GALK2: variants seen among roughly 807,000 people sequenced by gnomAD.
GALK2 encodes the protein galactokinase 2, also known as N-acetylgalactosamine kinase.
GALK2 carries 36 observed loss-of-function variants against 52.4 expected under a neutral mutation model. The ratio of observed to expected loss-of-function variants is 0.69; its 90% CI spans 0.53 to 0.91. The LOEUF is 0.91. Ranked by LOEUF, GALK2 falls within the 40% of genes least tolerant of loss-of-function variation. GALK2 has a pLI of 0.00. For synonymous variants in GALK2, 176 were observed against 199.1 expected (o/e 0.88, Z 0.98); for missense variants, 579 against 559.1 (o/e 1.04, Z -0.36).
chr15:49,178,511 T>C, intron 1 of GALK2: 1 of 285,356 alleles, frequency 3.5e-6, no homozygotes, highest in South Asian at 4.2e-5. Flanking sequence ...AGCTGCACCC[T>C]TAGGAACTGG....
intron 1 of GALK2, among the ~76,000 whole-genome samples, chr15:49,182,739 C>A (rs1358054791): frequency 6.6e-6 from 1 of 152,138 alleles, no homozygotes; most frequent in Non-Finnish European, 1.5e-5. Context: ...CTCTGACTAT[C>A]AGTGATGTTA....
intron 5 of GALK2, among the ~76,000 whole-genome samples, chr15:49,271,217 G>A (rs947255864): frequency 7.2e-5 from 11 of 152,142 alleles, no homozygotes; most frequent in Non-Finnish European, 5.9e-5. Context: ...CTGTGACTTG[G>A]GTCATATTAT....
intron 3 of GALK2, among the ~76,000 whole-genome samples, chr15:49,351,838 C>T (rs2042298606): frequency 6.6e-6 from 1 of 152,198 alleles, no homozygotes; most frequent in South Asian, 2.1e-4. Flanking sequence ...TGTACATCAC[C>T]TTAGTCAGTG....
At chr15:49,164,870 G>A (rs898516134) in intron 1 of GALK2, among the ~76,000 whole-genome samples, 12 of 151,170 alleles carry the variant, frequency 7.9e-5, no homozygotes, top group Non-Finnish European at 1.8e-4. Flanking sequence ...AGTTTGGTCA[G>A]GCTAATGTAC....
intron 1 of GALK2, chr15:49,195,192 C>T: frequency 2.3e-6 from 1 of 426,278 alleles, no homozygotes; most frequent in South Asian, 1.6e-5. Context: ...CTGCCTCCGC[C>T]TCCGGAGTAG....
intron 5 of GALK2, among the ~76,000 whole-genome samples, chr15:49,256,273 A>G (rs920149478): frequency 6.6e-6 from 1 of 152,212 alleles, no homozygotes; most frequent in African/African-American, 2.4e-5. Context: ...TCAGTAGTAT[A>G]TATAACTGTA....
At chr15:49,335,994 T>C (rs532660532), downstream of GALK2, among the ~76,000 whole-genome samples, 1 of 152,150 alleles carries the variant, frequency 6.6e-6, no homozygotes, top group African/African-American at 2.4e-5. Context: ...GTAGACAGTT[T>C]CTCGCTATCT....
chr15:49,365,988 AAC>A (rs2045109285), intron 3 of GALK2: 2 of 816,516 alleles, frequency 2.4e-6, no homozygotes, highest in Admixed American at 3.4e-5. Flanking sequence ...AGACCATCAT[AAC>A]ACAGTAGATG....
chr15:49,165,952 A>G (rs2084806187), upstream of GALK2, among the ~76,000 whole-genome samples: 1 of 151,572 alleles, frequency 6.6e-6, no homozygotes, highest in Non-Finnish European at 1.5e-5. Context: ...ACAGGCGCCC[A>G]CCACCACGCC....
intron 5 of GALK2, among the ~76,000 whole-genome samples, 159 bp downstream of exon 5, chr15:49,239,526 T>C (rs1037676544): frequency 6.6e-6 from 1 of 152,208 alleles, no homozygotes; most frequent in Non-Finnish European, 1.5e-5. Context: ...TAAATCACTA[T>C]AAAGTAGCTT....
chr15:49,260,059 A>G (rs1169664524), intron 5 of GALK2, among the ~76,000 whole-genome samples: 1 of 151,742 alleles, frequency 6.6e-6, no homozygotes, highest in African/African-American at 2.4e-5. Context: ...ATGTGTCTTT[A>G]TAGCAGCATG....
At chr15:49,286,730 G>T (rs1567022604) in intron 7 of GALK2, among the ~76,000 whole-genome samples, 1 of 152,098 alleles carries the variant, frequency 6.6e-6, no homozygotes, top group Admixed American at 6.6e-5. Context: ...AGGGTTCAAT[G>T]AACTTTTTTT....
chr15:49,329,823 A>AG lies in GALK2; in HGVS notation c.*1666dup, dbSNP rs2038274042. ...GATCAGTGTAAAAAAAAAAAAAAAA[A>AG]GGCACCTGTCATTGTTTTGCTGTTC... On this transcript the variant is annotated 3_prime_UTR_variant, in exon 10 of 10. Transcript: ENST00000560031. 1 of 572,316 alleles carries AG rather than the reference A, an allele frequency of 1.7e-6. No individual in the cohort carries two copies. Among genetic ancestry groups the AG allele is most frequent in the Non-Finnish European group, 2.2e-6 (1 of 452,838 alleles). 35.5% of individuals were successfully genotyped at this position (572,316 alleles called of 1,614,324 possible).
Position 49,277,371 on chromosome 15 carries a change from T to G in GALK2, c.505-4616T>G, listed in dbSNP as rs1282076937. ...TTTTAGTAGAGACGGGGTTTCACCGTTTTAGCCGGGATGGTCTCGATCTCC... is the reference window on the plus strand; with the variant it reads ...TTTTAGTAGAGACGGGGTTTCACCGGTTTAGCCGGGATGGTCTCGATCTCC... On this transcript the variant is annotated intron_variant, in intron 5 of 9. Coordinates refer to ENST00000560031, the MANE Select transcript of GALK2 (RefSeq NM_002044.4). Among the ~76,000 whole-genome samples the G allele has an allele frequency of 2.1e-5, 3 of 141,368 alleles. No individual in the cohort carries two copies. In the East Asian group the frequency reaches 6.6e-4, roughly 31 times the overall value. The allele number at this position is 141,368 out of a possible 152,430, so 92.7% of individuals were successfully genotyped here.
At chr15:49,363,805 T>TGAGG (rs1185027641) in intron 3 of GALK2, among the ~76,000 whole-genome samples, 5 of 152,142 alleles carry the variant, frequency 3.3e-5, no homozygotes, top group African/African-American at 4.8e-5. Context: ...TCTAGTTTGT[T>TGAGG]GAGGGTTTTT....
intron 5 of GALK2, among the ~76,000 whole-genome samples, chr15:49,274,845 C>T (rs2031385168): frequency 6.6e-6 from 1 of 152,044 alleles, no homozygotes; most frequent in Admixed American, 6.5e-5. Flanking sequence ...GTTCCACCTC[C>T]ACCTCTTGTC....
intron 3 of GALK2, among the ~76,000 whole-genome samples, chr15:49,234,671 G>T (rs2090695310): frequency 6.6e-6 from 1 of 152,088 alleles, no homozygotes; most frequent in African/African-American, 2.4e-5. Flanking sequence ...CCATGATTCA[G>T]TTACCTACCA....
chr15:49,257,773 G>A (rs1279183780), intron 5 of GALK2, among the ~76,000 whole-genome samples: 1 of 151,780 alleles, frequency 6.6e-6, no homozygotes, highest in Non-Finnish European at 1.5e-5. Flanking sequence ...ATCTTAAATG[G>A]GTGAAACTAT....
chr15:49,321,726 A>G (rs1040500702), intron 9 of GALK2, among the ~76,000 whole-genome samples: 1 of 152,176 alleles, frequency 6.6e-6, no homozygotes, highest in Non-Finnish European at 1.5e-5. Context: ...CAATCCAATG[A>G]TTTTGCCACA....
Sources: gnomAD v4.1 joint callset for allele counts (sites outside exome capture counted in the v4.1 genomes callset) on GRCh38, gnomAD v4.1.1 for gene constraint, MANE v1.5 for transcripts, NCBI Gene and HGNC (gene_info 2026-07-23, HGNC 2026-07-21) for gene names.